The following RBM39 variants were observed in gnomAD, a reference collection of about 807,000 sequenced individuals.
The protein encoded by RBM39 is RNA binding motif protein 39, also known as RNA-binding protein 39.
Under a neutral mutation model 79.6 loss-of-function variants are expected in RBM39, and 12 were observed. That is an observed-to-expected ratio of 0.15 (90% CI 0.10 to 0.24). The LOEUF is 0.24. Among genes scored for constraint, RBM39 ranks in the 10% least tolerant of loss-of-function variants. The probability of loss-of-function intolerance (pLI) is 1.00; values close to 1 mark genes in which losing one functional copy is unlikely to be tolerated. For synonymous variants in RBM39, 185 were observed against 208.4 expected (o/e 0.89, Z 0.97); for missense variants, 243 against 653.4 (o/e 0.37, Z 6.85).
At chr20:35,705,136 C>T (rs899756536) in intron 15 of RBM39, 89 bp downstream of exon 15, 23 of 781,980 alleles carry the variant, frequency 2.9e-5, no homozygotes, top group African/African-American at 5.4e-5. Flanking sequence ...TAATGGAAGA[C>T]GGTTAACCAT....
At chr20:35,709,171 C>A in intron 13 of RBM39, 53 bp downstream of exon 13, 1 of 1,462,360 alleles carries the variant, frequency 6.8e-7, no homozygotes, top group South Asian at 1.2e-5. Context: ...TGTCTTACTA[C>A]ATTTAATTCT....
chr20:35,729,605 G>A, intron 4 of RBM39, 78 bp from the exon 5 acceptor site: 1 of 1,286,040 alleles, frequency 7.8e-7, no homozygotes, highest in Non-Finnish European at 1.1e-6. Context: ...TCTCCAGCAA[G>A]ACTAACATTG....
intron 1 of RBM39, chr20:35,741,637 C>A (rs1441749482): frequency 6.6e-6 from 1 of 152,170 alleles, no homozygotes; most frequent in African/African-American, 2.4e-5. Context: ...AAACTCCCTC[C>A]ATTGGGAGGG....
chr20:35,734,029 A>AG, intron 3 of RBM39, among the ~76,000 whole-genome samples: 2 of 152,254 alleles, frequency 1.3e-5, no homozygotes, highest in Non-Finnish European at 2.9e-5. Context: ...TAATGATTAA[A>AG]CATTTTGACA....
rs2040607806 is a variant in RBM39 at position 35,742,048 on chromosome 20, A to C, written c.-121T>G. Reference sequence around the variant, plus strand: ...CTTCTGTTGCTACTGTTAAGCCCCTAGGCCCAGGCCGCGGAACCGCCCAGC... The same window carrying C: ...CTTCTGTTGCTACTGTTAAGCCCCTCGGCCCAGGCCGCGGAACCGCCCAGC... On this transcript the variant is annotated 5_prime_UTR_variant, in exon 1 of 17. Transcript: ENST00000253363. The C allele has an allele frequency of 4.9e-6, 1 of 206,120 alleles. No homozygotes were observed. The highest frequency in any genetic ancestry group is 2.4e-5 in the African/African-American group (1 of 41,738). The allele number at this position is 206,120 out of a possible 1,614,324, so 12.8% of individuals were successfully genotyped here. A position where few individuals can be genotyped will look rare whatever the true frequency, so the allele number is the denominator to read the frequency against.
intron 14 of RBM39, 48 bp downstream of exon 14, chr20:35,707,072 C>CTA (rs778252673): frequency 4.7e-6 from 3 of 640,700 alleles, no homozygotes. Flanking sequence ...TAAAACAACT[C>CTA]TATTGACGCC....
intron 3 of RBM39, chr20:35,734,224 G>A (rs1600618249): frequency 5.4e-6 from 7 of 1,303,796 alleles, no homozygotes; most frequent in African/African-American, 1.5e-5. Flanking sequence ...ATCACAAGGA[G>A]ATGTAGAGCT....
At chr20:35,731,729 G>A in intron 4 of RBM39, 3 of 569,848 alleles carry the variant, frequency 5.3e-6, no homozygotes, top group Non-Finnish European at 6.2e-6. Context: ...ACAGAAAATA[G>A]TCAGTATGCC....
At chr20:35,712,156 A>G (rs2036495642) in intron 12 of RBM39, among the ~76,000 whole-genome samples, 1 of 152,100 alleles carries the variant, frequency 6.6e-6, no homozygotes, top group African/African-American at 2.4e-5. Context: ...ATTTGGGTCA[A>G]TGTAAAAGTT....
rs765947818 is a variant in RBM39, at chr20:35,732,003, C to A, written c.234G>T (p.Glu78Asp). The part of the protein sequence containing the change: ...SRERKRSRSK[E>D]RRRSRSRSRD... ...GACTTCTTGAGCGGCTCCGTCGCCT[C>A]TCTTTGCTTCTACTTCGCTTTCTTT... The change falls in exon 4 of 17, where the codon GAG becomes GAT. Residue 78 changes from glutamate (E) to aspartate (D), a missense_variant. This residue lies in a region of RBM39 where 115 missense variants were observed against 184.1 expected (regional missense o/e 0.62). Transcript: ENST00000253363. The A allele has an allele frequency of 8.7e-5, 140 of 1,614,198 alleles. No homozygotes were observed. Among genetic ancestry groups the A allele is most frequent in the Admixed American group, 8.5e-4 (51 of 60,018 alleles).
chr20:35,707,837 A>C (rs1158231042), intron 13 of RBM39: 24 of 451,408 alleles, frequency 5.3e-5, no homozygotes, highest in Non-Finnish European at 1.8e-5. Context: ...CTACTACCAA[A>C]ACATACTGGG....
chr20:35,722,458 CTTTTT>C (rs72430622), intron 8 of RBM39, among the ~76,000 whole-genome samples: 1 of 116,436 alleles, frequency 8.6e-6, no homozygotes, highest in East Asian at 2.4e-4. Context: ...TATTTAGAGG[CTTTTT>C]TTTTTTTTTT....
chr20:35,702,627 T>C lies in RBM39; in HGVS notation c.*1854A>G, dbSNP rs577034910. 1 of 152,360 alleles carries C rather than the reference T, an allele frequency of 6.6e-6. No homozygotes were observed. The highest frequency in any genetic ancestry group is 1.9e-4 in the East Asian group (1 of 5,190). The allele number at this position is 152,360 out of a possible 1,614,324, so 9.4% of individuals were successfully genotyped here. ...CTCTGCCCCAAAGAACTCTGCAGTCTGGTATTGAAAAGTAAATTTTCAATG... is the reference window on the plus strand; with the variant it reads ...CTCTGCCCCAAAGAACTCTGCAGTCCGGTATTGAAAAGTAAATTTTCAATG... On this transcript the variant is annotated 3_prime_UTR_variant, in exon 17 of 17. Transcript: ENST00000253363.
chr20:35,732,219 TC>T, intron 3 of RBM39, 84 bp from the exon 4 acceptor site: 1 of 1,234,514 alleles, frequency 8.1e-7, no homozygotes. Flanking sequence ...AATCATTTTT[TC>T]ATCCTTTCAT....
At chr20:35,722,505 C>T (rs1312574479) in intron 8 of RBM39, among the ~76,000 whole-genome samples, 1 of 137,914 alleles carries the variant, frequency 7.3e-6, no homozygotes, top group African/African-American at 2.8e-5. Flanking sequence ...GTTGCCCAAG[C>T]TGGTCTTGAA....
At chr20:35,727,109 CG>C (rs1478929189) in intron 6 of RBM39, among the ~76,000 whole-genome samples, 4 of 151,878 alleles carry the variant, frequency 2.6e-5, no homozygotes, top group African/African-American at 9.7e-5. Flanking sequence ...CTTTTAAGGC[CG>C]GGAGTAGCGT....
At chr20:35,729,033 A>G (rs1186439492) in intron 6 of RBM39, among the ~76,000 whole-genome samples, 4 of 152,092 alleles carry the variant, frequency 2.6e-5, no homozygotes, top group African/African-American at 9.7e-5. Flanking sequence ...CCAAGACTGC[A>G]CTACTGCACT....
chr20:35,725,673 T>G (rs2038573123), intron 6 of RBM39, among the ~76,000 whole-genome samples: 1 of 142,902 alleles, frequency 7.0e-6, no homozygotes, highest in Non-Finnish European at 1.5e-5. Flanking sequence ...TTTTTTTTTT[T>G]TTTTCCAGAG....
intron 3 of RBM39, among the ~76,000 whole-genome samples, chr20:35,733,095 G>A (rs1463558975): frequency 1.3e-5 from 2 of 152,116 alleles, no homozygotes; most frequent in African/African-American, 4.8e-5. Context: ...TTGAGGTCAG[G>A]AGTTTGAGAC....
Sources: gnomAD v4.1 joint callset for allele counts (sites outside exome capture counted in the v4.1 genomes callset) on GRCh38, gnomAD v4.1.1 for gene constraint, gnomAD v4.1.1 regional missense constraint, MANE v1.5 for transcripts, NCBI Gene and HGNC (gene_info 2026-07-23, HGNC 2026-07-21) for gene names.